The following ROCK2 variants were observed in gnomAD, a reference collection of about 807,000 sequenced individuals.
ROCK2 encodes the protein Rho associated coiled-coil containing protein kinase 2.
Under a neutral mutation model 195.1 loss-of-function variants are expected in ROCK2, and 61 were observed. The observed-to-expected ratio is 0.31, with a 90% CI of 0.25 to 0.39. The LOEUF is 0.39. ROCK2 is among the 10% of genes least tolerant of loss of function. The probability of loss-of-function intolerance (pLI) is 1.00; values close to 1 mark genes in which losing one functional copy is unlikely to be tolerated. For missense variants in ROCK2, 1,109 were observed against 1,637.4 expected (o/e 0.68, Z 5.57); for synonymous variants, 504 against 545.5 (o/e 0.92, Z 1.06).
Position 11,198,711 on chromosome 2 carries a change from ATTC to A in ROCK2, c.2971_2973del (p.Glu991del). 6.2e-7 allele frequency: 1 copy of A among 1,609,544 alleles called. No homozygotes were observed. The highest frequency in any genetic ancestry group is 8.5e-7 in the Non-Finnish European group (1 of 1,177,674). ...TGAACATCTTTCAATTTGTTATTTA[ATTC>A]TTCTTTCTCATTTGCAAGATTGGCA... On this transcript the variant is annotated inframe_deletion, in exon 24 of 33. Coordinates refer to ENST00000315872, the MANE Select transcript of ROCK2 (RefSeq NM_004850.5).
intron 5 of ROCK2, among the ~76,000 whole-genome samples, chr2:11,232,881 C>CA (rs1315784722): frequency 6.6e-6 from 1 of 152,092 alleles, no homozygotes; most frequent in African/African-American, 2.4e-5. Flanking sequence ...AAATGACTGA[C>CA]AAATATATGA....
chr2:11,222,189 TA>T lies in ROCK2; in HGVS notation c.1008-16del. 1 of 1,422,040 alleles carries T rather than the reference TA, an allele frequency of 7.0e-7. No homozygotes were observed. Among genetic ancestry groups the T allele is most frequent in the Non-Finnish European group, 9.8e-7 (1 of 1,018,228 alleles). The allele number at this position is 1,422,040 out of a possible 1,614,324, so 88.1% of individuals were successfully genotyped here. A position where few individuals can be genotyped will look rare whatever the true frequency, so the allele number is the denominator to read the frequency against. Reference sequence around the variant, plus strand: ...GTCGTACCTCCCTAAACAATGCAGTTAAAGATTGTATTATTTAAAAATTATA... The same window carrying T: ...GTCGTACCTCCCTAAACAATGCAGTTAAGATTGTATTATTTAAAAATTATA... On this transcript the variant is annotated splice_polypyrimidine_tract_variant and intron_variant, in intron 7 of 32. Coordinates refer to ENST00000315872, the MANE Select transcript of ROCK2 (RefSeq NM_004850.5).
intron 12 of ROCK2, among the ~76,000 whole-genome samples, chr2:11,216,521 T>C (rs1419364808): frequency 7.0e-6 from 1 of 142,890 alleles, no homozygotes; most frequent in African/African-American, 2.9e-5. Flanking sequence ...TTTCTTTTTT[T>C]TTTTTTTGAG....
intron 1 of ROCK2, among the ~76,000 whole-genome samples, chr2:11,322,992 T>A (rs1383098859): frequency 6.6e-6 from 1 of 152,202 alleles, no homozygotes; most frequent in Admixed American, 6.5e-5. Context: ...AAAGCAGTGC[T>A]CTTTTGAAGA....
Position 11,344,152 on chromosome 2 carries a change from C to T in ROCK2, c.-16G>A, listed in dbSNP as rs749821483. ...GCCGGCTCATGCCGCCACCGCTGGA[C>T]CCGCACTCAGGCTCCTCGCGCTCAG... On this transcript the variant is annotated 5_prime_UTR_variant, in exon 1 of 33. Coordinates refer to ENST00000315872, the MANE Select transcript of ROCK2 (RefSeq NM_004850.5). This position sits in a 1 kb window ranked among gnomAD's most constrained non-coding sequence, Gnocchi z 5.4. 7.1e-7 allele frequency: 1 copy of T among 1,417,554 alleles called. No homozygotes were observed. Among genetic ancestry groups the T allele is most frequent in the East Asian group, 3.0e-5 (1 of 33,506 alleles). 87.8% of individuals were successfully genotyped at this position (1,417,554 alleles called of 1,614,324 possible). A position where few individuals can be genotyped will look rare whatever the true frequency, so the allele number is the denominator to read the frequency against.
intron 3 of ROCK2, among the ~76,000 whole-genome samples, chr2:11,268,522 CTGTGTGTGTGTG>C (rs70953378): frequency 6.4e-5 from 9 of 140,554 alleles, no homozygotes; most frequent in African/African-American, 1.0e-4. Context: ...CAGTTTTGCA[CTGTGTGTGTGTG>C]TGTGTGTGTG....
chr2:11,221,129 CAAAAT>C lies in ROCK2; in HGVS notation c.1259+64_1259+68del. ...TACTTTATCTCCTATAATTGAGTCTCAAAATAACACATCATCTTATAGCTAGATTC... is the reference window on the plus strand; with the variant it reads ...TACTTTATCTCCTATAATTGAGTCTCAACACATCATCTTATAGCTAGATTC... On this transcript the variant is annotated intron_variant, in intron 9 of 32. Coordinates refer to ENST00000315872, the MANE Select transcript of ROCK2 (RefSeq NM_004850.5). 2.5e-6 allele frequency: 3 copies of C among 1,217,512 alleles called. 1 individual carries two copies. 75.4% of individuals were successfully genotyped at this position (1,217,512 alleles called of 1,614,324 possible).
At chr2:11,215,188 A>C in intron 15 of ROCK2, 102 bp from the exon 16 acceptor site, 3 of 1,495,188 alleles carry the variant, frequency 2.0e-6, no homozygotes, top group Non-Finnish European at 2.7e-6. Context: ...AAAATAAACA[A>C]AAACCTAAAA....
At chr2:11,306,141 C>T (rs1038212920) in intron 1 of ROCK2, among the ~76,000 whole-genome samples, 1 of 152,146 alleles carries the variant, frequency 6.6e-6, no homozygotes, top group African/African-American at 2.4e-5. Flanking sequence ...ATTATTTGGA[C>T]AGTTGACAAA....
intron 1 of ROCK2, among the ~76,000 whole-genome samples, chr2:11,332,372 G>A (rs1668794978): frequency 6.6e-6 from 1 of 152,098 alleles, no homozygotes; most frequent in Admixed American, 6.5e-5. Context: ...GAATTGGCCT[G>A]TGGTATACAA....
intron 3 of ROCK2, among the ~76,000 whole-genome samples, chr2:11,259,436 T>C (rs951010653): frequency 2.0e-5 from 3 of 151,170 alleles, no homozygotes; most frequent in Non-Finnish European, 4.4e-5. Flanking sequence ...TAAGTGTAAG[T>C]AATTAAAATA....
intron 7 of ROCK2, 134 bp downstream of exon 7, chr2:11,224,188 G>C: frequency 1.2e-6 from 1 of 825,984 alleles, no homozygotes; most frequent in Non-Finnish European, 1.9e-6. Flanking sequence ...AGAAGGAAAA[G>C]GCTAACCCAG....
In ROCK2 at chr2:11,308,957, C is replaced by T. The variant is rs1667948642; in HGVS notation, c.142-21221G>A. The stretch of plus-strand genomic sequence containing the variant: ...CAAGGAATGATCCTGACATGATGAA[C>T]CTGGAACTTCTGTGAATTTTACCAC... On this transcript the variant is annotated intron_variant, in intron 1 of 32. Coordinates refer to ENST00000315872, the MANE Select transcript of ROCK2 (RefSeq NM_004850.5). 3.7e-6 allele frequency: 6 copies of T among 1,610,272 alleles called. No individual in the cohort carries two copies. The African/African-American group carries it at 6.7e-5, about 18-fold the overall frequency.
chr2:11,247,189 G>A (rs1665646209), intron 4 of ROCK2, among the ~76,000 whole-genome samples: 1 of 152,036 alleles, frequency 6.6e-6, no homozygotes, highest in South Asian at 2.1e-4. Context: ...AATAGCAGTT[G>A]GCAGGGGCAG....
chr2:11,226,964 G>A (rs1055922184), intron 6 of ROCK2, among the ~76,000 whole-genome samples: 12 of 148,502 alleles, frequency 8.1e-5, no homozygotes, highest in African/African-American at 3.0e-4. Flanking sequence ...AAGGCCCACT[G>A]AAGCTGTAAA....
At chr2:11,218,246 GATAA>G (rs1482109084) in intron 11 of ROCK2, 3 of 382,930 alleles carry the variant, frequency 7.8e-6, no homozygotes, top group African/African-American at 4.2e-5. Context: ...ATATGTCCTT[GATAA>G]ATAAAAACAA....
chr2:11,302,666 T>G (rs922473392), intron 1 of ROCK2, among the ~76,000 whole-genome samples: 1 of 152,176 alleles, frequency 6.6e-6, no homozygotes, highest in East Asian at 1.9e-4. Flanking sequence ...TGAACTGAGA[T>G]GCTCTGGTAA....
chr2:11,224,311 A>G lies in ROCK2; in HGVS notation c.1007+11T>C, dbSNP rs751966714. ...AAGGGCTTCTCTACAAAGAAATTCA[A>G]TGTACATTACCTATCTGTTAAGAAA... On this transcript the variant is annotated intron_variant, in intron 7 of 32. Coordinates refer to ENST00000315872, the MANE Select transcript of ROCK2 (RefSeq NM_004850.5). 4 of 1,590,262 alleles carry G rather than the reference A, an allele frequency of 2.5e-6. No individual in the cohort carries two copies. The highest frequency in any genetic ancestry group is 3.4e-6 in the Non-Finnish European group (4 of 1,171,592).
At chr2:11,326,325 TAGAAGCCAAC>T (rs552274475) in intron 1 of ROCK2, among the ~76,000 whole-genome samples, 13 of 152,274 alleles carry the variant, frequency 8.5e-5, no homozygotes, top group Admixed American at 8.5e-4. Context: ...CGTACTGTCA[TAGAAGCCAAC>T]AGAAGACAGC....
Sources: allele counts gnomAD v4.1 joint callset (sites outside exome capture counted in the v4.1 genomes callset), GRCh38; gene constraint gnomAD v4.1.1; non-coding constraint Gnocchi (gnomAD v3.1); transcripts MANE v1.5; gene names NCBI Gene and HGNC (gene_info 2026-07-23, HGNC 2026-07-21).